Variants in SUSD1 observed in about 807,000 individuals in gnomAD.
SUSD1 encodes sushi domain-containing protein 1.
Under a neutral mutation model 86.9 loss-of-function variants are expected in SUSD1, and 65 were observed. That is an observed-to-expected ratio of 0.75 (90% CI 0.61 to 0.92). The LOEUF (loss-of-function observed/expected upper bound fraction) is 0.92, where lower values mean the gene tolerates loss of function less well. Among genes scored for constraint, SUSD1 ranks in the 40% least tolerant of loss-of-function variants. SUSD1 has a pLI of 0.00. For synonymous variants in SUSD1, 346 were observed against 350.0 expected (o/e 0.99, Z 0.13); for missense variants, 850 against 929.7 (o/e 0.91, Z 1.11).
At position 112,139,640 on chromosome 9, in the gene SUSD1, G is replaced by A. The variant is rs974091868; in HGVS notation, c.706+2680C>T. Among the ~76,000 whole-genome samples the A allele has an allele frequency of 4.2e-4, 64 of 151,632 alleles. 1 individual carries two copies. Among genetic ancestry groups the A allele is most frequent in the Non-Finnish European group, 7.4e-5 (5 of 67,976 alleles). ...TTGAACTCCTGGGCTCAAGCTATCT[G>A]CCTGCCTGGGCCTCCCAGAGTGCTG... On this transcript the variant is annotated intron_variant, in intron 5 of 16. Transcript: ENST00000374270.
At chr9:112,081,525 T>C (rs1270289514) in intron 10 of SUSD1, among the ~76,000 whole-genome samples, 1 of 152,214 alleles carries the variant, frequency 6.6e-6, no homozygotes, top group Non-Finnish European at 1.5e-5. Context: ...TGGAGATTAG[T>C]AGTAGTGGTC....
At chr9:112,103,051 C>A in intron 8 of SUSD1, 2 of 360,940 alleles carry the variant, frequency 5.5e-6, no homozygotes, top group South Asian at 2.2e-5. Context: ...AGCAAATTTC[C>A]CAACAAACAA....
chr9:112,085,886 T>C (rs1270199633), intron 10 of SUSD1, among the ~76,000 whole-genome samples: 1 of 152,120 alleles, frequency 6.6e-6, no homozygotes, highest in Non-Finnish European at 1.5e-5. Context: ...TAAGCCGAGA[T>C]TGCACCACTG....
chr9:112,044,953 C>G (rs138620515), intron 15 of SUSD1, among the ~76,000 whole-genome samples: 84 of 152,142 alleles, frequency 5.5e-4, no homozygotes, highest in Non-Finnish European at 1.0e-3. Flanking sequence ...ACCTCAATAG[C>G]GAAATGAGAA....
At chr9:112,047,665 A>C (rs777592307) in intron 15 of SUSD1, among the ~76,000 whole-genome samples, 12 of 152,126 alleles carry the variant, frequency 7.9e-5, no homozygotes, top group Non-Finnish European at 1.6e-4. Context: ...CTCAGAGGTG[A>C]GTGAGTTCTT....
At chr9:112,126,497 C>A (rs886883236) in intron 5 of SUSD1, among the ~76,000 whole-genome samples, 4 of 152,122 alleles carry the variant, frequency 2.6e-5, no homozygotes, top group African/African-American at 9.7e-5. Context: ...AAATCAGTAA[C>A]TTGTTCTCTA....
intron 11 of SUSD1, among the ~76,000 whole-genome samples, chr9:112,079,443 C>T (rs1486874603): frequency 1.3e-5 from 2 of 152,098 alleles, no homozygotes; most frequent in African/African-American, 4.8e-5. Flanking sequence ...TTAGAATACT[C>T]GTAGCTGGTC....
At chr9:112,084,379 CA>C (rs1252011046) in intron 10 of SUSD1, among the ~76,000 whole-genome samples, 1 of 151,738 alleles carries the variant, frequency 6.6e-6, no homozygotes, top group East Asian at 1.9e-4. Flanking sequence ...ATTGTAAGGC[CA>C]AAAGTCAAAG....
At chr9:112,132,441 A>G (rs1320682320) in intron 5 of SUSD1, among the ~76,000 whole-genome samples, 1 of 152,208 alleles carries the variant, frequency 6.6e-6, no homozygotes, top group African/African-American at 2.4e-5. Context: ...TAAAAACTGA[A>G]GAAAATCACA....
At chr9:112,112,052 G>A in intron 7 of SUSD1, 1 of 485,140 alleles carries the variant, frequency 2.1e-6, no homozygotes. Flanking sequence ...AATCTCCCTA[G>A]GAAGTGCTCT....
chr9:112,111,206 C>A (rs543105294), intron 8 of SUSD1, among the ~76,000 whole-genome samples: 2 of 152,136 alleles, frequency 1.3e-5, no homozygotes, highest in Non-Finnish European at 2.9e-5. Context: ...GTTGGCCAGG[C>A]TGGTCTGGAA....
chr9:112,133,299 T>C (rs1170035829), intron 5 of SUSD1, among the ~76,000 whole-genome samples: 2 of 152,070 alleles, frequency 1.3e-5, no homozygotes. Context: ...AGGCATTACA[T>C]TACCAGACTT....
intron 10 of SUSD1, among the ~76,000 whole-genome samples, chr9:112,093,420 C>T (rs983015357): frequency 2.0e-5 from 3 of 152,190 alleles, no homozygotes; most frequent in African/African-American, 7.2e-5. Flanking sequence ...TGTCACCGCC[C>T]TTTCCTCTGC....
In SUSD1 at chr9:112,056,736, G is replaced by GTGTGTA. The variant is rs1554752461; in HGVS notation, c.2109+1691_2109+1692insTACACA. Among the ~76,000 whole-genome samples the GTGTGTA allele has an allele frequency of 1.4e-3, 211 of 152,014 alleles. 2 individuals are homozygous for GTGTGTA. The highest frequency in any genetic ancestry group is 4.8e-3 in the African/African-American group (197 of 41,408). ...TGTGTGTGTGTGTGTGTGTGTGTGT[G>GTGTGTA]AGACAGGGTCTCACTCTGTTGCCCA... On this transcript the variant is annotated intron_variant, in intron 14 of 16. Transcript: ENST00000374270.
chr9:112,041,696 C>T (rs1827744766), intron 16 of SUSD1, among the ~76,000 whole-genome samples, 171 bp downstream of exon 16: 1 of 152,180 alleles, frequency 6.6e-6, no homozygotes, highest in East Asian at 1.9e-4. Flanking sequence ...CCCATGCTAC[C>T]TGGAGGTACA....
chr9:112,079,287 G>C (rs1278442032), intron 11 of SUSD1, among the ~76,000 whole-genome samples: 1 of 152,092 alleles, frequency 6.6e-6, no homozygotes, highest in African/African-American at 2.4e-5. Flanking sequence ...AAAAGGCTAA[G>C]GTCCCAATAC....
chr9:112,049,089 C>T (rs1006290663), intron 15 of SUSD1, among the ~76,000 whole-genome samples: 1 of 152,112 alleles, frequency 6.6e-6, no homozygotes, highest in African/African-American at 2.4e-5. Flanking sequence ...AAATTCTGAA[C>T]TCTTGTGATG....
At chr9:112,127,275 G>A (rs1348590199) in intron 5 of SUSD1, among the ~76,000 whole-genome samples, 2 of 152,096 alleles carry the variant, frequency 1.3e-5, no homozygotes, top group East Asian at 1.9e-4. Context: ...CAGGAGACTG[G>A]GGCACAAGAA....
intron 2 of SUSD1, among the ~76,000 whole-genome samples, chr9:112,152,950 CT>C (rs1194077388): frequency 6.6e-6 from 1 of 151,544 alleles, no homozygotes; most frequent in Admixed American, 6.6e-5. Context: ...AATGTTTTTA[CT>C]TTTTAAACTT....
Sources: gnomAD v4.1 joint callset for allele counts (sites outside exome capture counted in the v4.1 genomes callset) on GRCh38, gnomAD v4.1.1 for gene constraint, MANE v1.5 for transcripts, NCBI Gene and HGNC (gene_info 2026-07-23, HGNC 2026-07-21) for gene names.